The following TEK variants were observed in gnomAD, a reference collection of about 807,000 sequenced individuals.
TEK encodes TEK receptor tyrosine kinase.
A neutral mutation model predicts 131.8 loss-of-function variants in TEK; 43 were observed. The ratio of observed to expected loss-of-function variants is 0.33; its 90% confidence interval spans 0.26 to 0.42. The LOEUF is 0.42. Among genes scored for constraint, TEK ranks in the 10% least tolerant of loss-of-function variants. TEK has a pLI of 1.00. For synonymous variants in TEK, 580 were observed against 491.6 expected, an observed-to-expected ratio of 1.18 and a Z score of -2.38; for missense variants, 1,162 against 1,384.4, an observed-to-expected ratio of 0.84 and a Z score of 2.55.
At chr9:27,218,048 G>A (rs1825885453) in intron 19 of TEK, among the ~76,000 whole-genome samples, 1 of 150,410 alleles carries the variant, frequency 6.6e-6, no homozygotes, top group Non-Finnish European at 1.5e-5. Flanking sequence ...GGACATACCG[G>A]CCTTCCTGTG....
At chr9:27,151,967 C>A (rs1408198960) in intron 1 of TEK, among the ~76,000 whole-genome samples, 2 of 152,218 alleles carry the variant, frequency 1.3e-5, no homozygotes, top group Non-Finnish European at 2.9e-5. Context: ...ATTGCCACGG[C>A]CTTAATTCCA....
chr9:27,151,056 A>G (rs1247307407), intron 1 of TEK, among the ~76,000 whole-genome samples: 1 of 151,992 alleles, frequency 6.6e-6, no homozygotes, highest in East Asian at 1.9e-4. Context: ...CCCCTGGATA[A>G]CTCTGAACTC....
chr9:27,217,577 A>G (rs1480519845), intron 18 of TEK, 111 bp from the exon 19 acceptor site: 2 of 912,780 alleles, frequency 2.2e-6, no homozygotes, highest in East Asian at 2.5e-5. Flanking sequence ...ACACAAAGCA[A>G]TGATTTCTGA....
rs118015947 is a variant in TEK, at chr9:27,112,519, G to C, written c.52+2877G>C. ...CCTGCCCTGGGAGAGCTTCCTGGAA[G>C]AGTCTAGTTCTTCCAAGGCGTCTCT... On this transcript the variant is annotated intron_variant, in intron 1 of 22. Transcript: ENST00000380036. Among the ~76,000 whole-genome samples the C allele has an allele frequency of 6.7e-3, 1,023 of 152,300 alleles. 53 individuals are homozygous for C. The East Asian group carries it at 0.12, about 18-fold the overall frequency.
chr9:27,122,747 A>G (rs976042410), intron 1 of TEK, among the ~76,000 whole-genome samples: 1 of 151,996 alleles, frequency 6.6e-6, no homozygotes, highest in Non-Finnish European at 1.5e-5. Flanking sequence ...AGGAGCTTCA[A>G]CTATATCAAA....
chr9:27,137,092 A>G (rs1346039989), intron 1 of TEK, among the ~76,000 whole-genome samples: 2 of 151,780 alleles, frequency 1.3e-5, no homozygotes, highest in Admixed American at 6.6e-5. Context: ...ATTTTTTTGT[A>G]TTTTCAGTAG....
chr9:27,168,444 G>A lies in TEK; in HGVS notation c.365-51G>A, dbSNP rs755575967. The A allele has an allele frequency of 9.8e-6, 14 of 1,429,376 alleles. No homozygotes were observed. The African/African-American group carries it at 1.3e-4, about 13-fold the overall frequency. 88.5% of individuals were successfully genotyped at this position (1,429,376 alleles called of 1,614,324 possible). On this transcript the variant is annotated intron_variant, in intron 2 of 22. Coordinates refer to ENST00000380036, the MANE Select transcript of TEK (RefSeq NM_000459.5). ...TGAGTCTCAAAGCTCAATTGCTCCT[G>A]GAGAAAATGTGTGATCCCATTTTTG...
chr9:27,166,751 ATGTG>A (rs376404078), intron 2 of TEK, among the ~76,000 whole-genome samples: 1 of 152,058 alleles, frequency 6.6e-6, no homozygotes, highest in African/African-American at 2.4e-5. Flanking sequence ...ACACAGTTTT[ATGTG>A]TGTGTGTGTT....
chr9:27,138,692 C>T (rs1822598663), intron 1 of TEK, among the ~76,000 whole-genome samples: 2 of 152,202 alleles, frequency 1.3e-5, no homozygotes, highest in Admixed American at 6.5e-5. Context: ...GGCCCACTTA[C>T]ACCCAGCTGT....
intron 1 of TEK, among the ~76,000 whole-genome samples, chr9:27,129,668 A>G (rs1214325110): frequency 6.6e-6 from 1 of 152,138 alleles, no homozygotes; most frequent in Non-Finnish European, 1.5e-5. Flanking sequence ...TTTCCTTCAT[A>G]TTTTGGCACA....
intron 21 of TEK, among the ~76,000 whole-genome samples, chr9:27,225,833 A>G (rs1256096879): frequency 1.3e-5 from 2 of 152,192 alleles, no homozygotes; most frequent in Non-Finnish European, 2.9e-5. Flanking sequence ...TTTGCAATCT[A>G]TCCTTCTGAC....
At chr9:27,139,656 C>CT (rs978467743) in intron 1 of TEK, among the ~76,000 whole-genome samples, 21 of 150,796 alleles carry the variant, frequency 1.4e-4, no homozygotes, top group Non-Finnish European at 2.1e-4. Flanking sequence ...AGTTGGTTTT[C>CT]TTTTTTTTTG....
chr9:27,199,996 T>C (rs149932063), intron 12 of TEK, among the ~76,000 whole-genome samples: 1 of 152,326 alleles, frequency 6.6e-6, no homozygotes, highest in Admixed American at 6.5e-5. Context: ...TTTGTGTATT[T>C]AGGTCTTTAA....
chr9:27,172,274 A>G (rs1426778924), intron 4 of TEK, among the ~76,000 whole-genome samples: 1 of 152,110 alleles, frequency 6.6e-6, no homozygotes, highest in African/African-American at 2.4e-5. Context: ...CTGTCTTCCC[A>G]TGCCTTGTCT....
intron 1 of TEK, among the ~76,000 whole-genome samples, chr9:27,124,868 T>G (rs887481971): frequency 3.3e-5 from 5 of 152,124 alleles, no homozygotes; most frequent in Non-Finnish European, 4.4e-5. Flanking sequence ...GCATATGAGG[T>G]CTATCCCACC....
intron 21 of TEK, among the ~76,000 whole-genome samples, chr9:27,220,532 C>G (rs1826020902): frequency 6.6e-6 from 1 of 152,162 alleles, no homozygotes; most frequent in African/African-American, 2.4e-5. Flanking sequence ...TGAATAGGAA[C>G]AGCTCCAGTG....
rs370256501 is a variant in TEK at position 27,158,098 on chromosome 9, G to A, written c.320G>A (p.Arg107Gln). Reference protein sequence around the residue: ...NGAYFCEGRVRGEAIRIRTMK... With the variant: ...NGAYFCEGRVQGEAIRIRTMK... Reference sequence around the variant, plus strand: ...GCTTATTTCTGTGAAGGGCGAGTTCGAGGAGAGGCAATCAGGATACGAACC... The same window carrying A: ...GCTTATTTCTGTGAAGGGCGAGTTCAAGGAGAGGCAATCAGGATACGAACC... Residue 107 changes from arginine (R) to glutamine (Q), a missense_variant, in exon 2 of 23, where the codon CGA becomes CAA. This residue lies in a region of TEK where 436 missense variants were observed against 539.1 expected (regional missense o/e 0.81). Transcript: ENST00000380036. The A allele has an allele frequency of 9.9e-6, 16 of 1,613,990 alleles. No homozygotes were observed. Among genetic ancestry groups the A allele is most frequent in the African/African-American group, 1.3e-5 (1 of 74,906 alleles).
chr9:27,121,941 A>G lies in TEK; in HGVS notation c.52+12299A>G, dbSNP rs1333121184. Among the ~76,000 whole-genome samples, 4 of 152,266 alleles carry G rather than the reference A, an allele frequency of 2.6e-5. No homozygotes were observed. In the East Asian group the frequency reaches 7.7e-4, roughly 29 times the overall value. ...TAAACAAAGTGAAACAGAGTTTCAC[A>G]GTGATCGACCTGTCTCAAAGCACCG... On this transcript the variant is annotated intron_variant, in intron 1 of 22. Coordinates refer to ENST00000380036, the MANE Select transcript of TEK (RefSeq NM_000459.5).
chr9:27,192,025 A>G (rs762351680), intron 10 of TEK: 3 of 447,024 alleles, frequency 6.7e-6, no homozygotes, highest in Non-Finnish European at 1.3e-5. Context: ...GGACTTCAGA[A>G]TGCTTCATTG....
Sources: gnomAD v4.1 joint callset for allele counts (sites outside exome capture counted in the v4.1 genomes callset) on GRCh38, gnomAD v4.1.1 for gene constraint, gnomAD v4.1.1 regional missense constraint, MANE v1.5 for transcripts, NCBI Gene and HGNC (gene_info 2026-07-23, HGNC 2026-07-21) for gene names.